The following DLG2 variants were observed in gnomAD, a reference collection of about 807,000 sequenced individuals.
DLG2 encodes discs large MAGUK scaffold protein 2.
In DLG2, 45 loss-of-function variants were observed where a neutral mutation model predicts 132.5. The ratio of observed to expected loss-of-function variants is 0.34; its 90% CI spans 0.27 to 0.44. The LOEUF (loss-of-function observed/expected upper bound fraction) is 0.44, where lower values mean the gene tolerates loss of function less well. DLG2 is among the 20% of genes least tolerant of loss of function. The pLI is 1.00. For missense variants in DLG2, 1,045 were observed against 1,196.9 expected, an observed-to-expected ratio of 0.87 and a Z score of 1.87; for synonymous variants, 424 against 419.6, an observed-to-expected ratio of 1.01 and a Z score of -0.13.
intron 6 of DLG2, among the ~76,000 whole-genome samples, chr11:85,020,265 C>T (rs949572277): frequency 1.3e-5 from 2 of 152,142 alleles, no homozygotes; most frequent in African/African-American, 4.8e-5. Context: ...TAAATGTCTT[C>T]TTTTGAGAAG....
intron 6 of DLG2, among the ~76,000 whole-genome samples, chr11:84,614,679 T>C (rs1293177524): frequency 6.6e-6 from 1 of 152,166 alleles, no homozygotes; most frequent in African/African-American, 2.4e-5. Flanking sequence ...TGTTGATCTT[T>C]AAAATATTTC....
chr11:84,299,344 G>A (rs560707041), intron 7 of DLG2, among the ~76,000 whole-genome samples: 10 of 152,304 alleles, frequency 6.6e-5, no homozygotes, highest in African/African-American at 2.4e-4. Context: ...GATCTAGGAG[G>A]CTACAGGTTA....
chr11:84,121,926 G>C (rs1031653058), intron 9 of DLG2, among the ~76,000 whole-genome samples: 1 of 151,992 alleles, frequency 6.6e-6, no homozygotes, highest in Non-Finnish European at 1.5e-5. Context: ...ATAATGCTGA[G>C]AGATAGAGAT....
intron 5 of DLG2, among the ~76,000 whole-genome samples, chr11:85,112,339 T>G (rs2072906867): frequency 6.6e-6 from 1 of 152,042 alleles, no homozygotes; most frequent in African/African-American, 2.4e-5. Flanking sequence ...CAAAAGAAAT[T>G]TATCTCTAGT....
intron 6 of DLG2, among the ~76,000 whole-genome samples, chr11:85,107,318 G>A (rs1566862571): frequency 6.6e-6 from 1 of 151,982 alleles, no homozygotes; most frequent in Non-Finnish European, 1.5e-5. Flanking sequence ...TACTTTGCAT[G>A]TCTAATTGAT....
At position 84,716,449 on chromosome 11, in the gene DLG2, G is replaced by A. The variant is rs186871495; in HGVS notation, c.358-181718C>T. 1.2e-4 allele frequency among the ~76,000 whole-genome samples: 18 copies of A among 152,056 alleles called. No homozygotes were observed. The East Asian group carries it at 1.7e-3, about 15-fold the overall frequency. ...GGGAGACACACACACATGGACTGTG[G>A]ACCTTTGCAATGCAGCTATAGACAA... On this transcript the variant is annotated intron_variant, in intron 6 of 27. Transcript: ENST00000376104.
chr11:85,429,458 C>T (rs938503859), intron 3 of DLG2, among the ~76,000 whole-genome samples: 1 of 152,166 alleles, frequency 6.6e-6, no homozygotes, highest in African/African-American at 2.4e-5. Context: ...GCTATCTACT[C>T]ATCTAACAAA....
intron 19 of DLG2, among the ~76,000 whole-genome samples, chr11:83,588,273 G>C (rs978643807): frequency 2.0e-5 from 3 of 150,500 alleles, no homozygotes; most frequent in Non-Finnish European, 4.4e-5. Flanking sequence ...CTCCCAGCAC[G>C]CAGCTGGAGA....
chr11:85,399,086 A>G (rs558589169), intron 3 of DLG2, among the ~76,000 whole-genome samples: 2 of 152,320 alleles, frequency 1.3e-5, no homozygotes, highest in Non-Finnish European at 2.9e-5. Flanking sequence ...GCAAAGTCTC[A>G]GGATACAAAA....
chr11:84,307,467 C>T (rs954387745), intron 7 of DLG2, among the ~76,000 whole-genome samples: 1 of 152,054 alleles, frequency 6.6e-6, no homozygotes, highest in Non-Finnish European at 1.5e-5. Context: ...CAGGCCAAGG[C>T]GGGTGGATCA....
intron 18 of DLG2, among the ~76,000 whole-genome samples, chr11:83,633,781 C>A (rs996468250): frequency 1.5e-4 from 22 of 146,082 alleles, no homozygotes; most frequent in Admixed American, 4.1e-4. Context: ...CACACACACA[C>A]AACTGCGGAA....
intron 6 of DLG2, among the ~76,000 whole-genome samples, chr11:84,840,886 G>A (rs2080560408): frequency 6.6e-6 from 1 of 151,494 alleles, no homozygotes; most frequent in African/African-American, 2.4e-5. Context: ...AATACCTAGT[G>A]TAAATGACGA....
At chr11:85,476,412 G>A (rs1387691591) in intron 3 of DLG2, among the ~76,000 whole-genome samples, 2 of 151,850 alleles carry the variant, frequency 1.3e-5, no homozygotes, top group African/African-American at 2.4e-5. Context: ...GTACACTTAC[G>A]CTACATTAAA....
At chr11:84,203,139 T>G (rs1295210347) in intron 8 of DLG2, among the ~76,000 whole-genome samples, 1 of 142,512 alleles carries the variant, frequency 7.0e-6, no homozygotes, top group Non-Finnish European at 1.6e-5. Context: ...ATATAAAAAA[T>G]TCTATGATAA....
intron 11 of DLG2, among the ~76,000 whole-genome samples, chr11:84,047,135 A>G (rs533646091): frequency 7.9e-5 from 12 of 151,628 alleles, no homozygotes; most frequent in Non-Finnish European, 1.5e-4. Context: ...ATTTCAGTTT[A>G]GGTAAATGCC....
chr11:83,790,842 G>A (rs2041340980), intron 17 of DLG2: 7 of 750,234 alleles, frequency 9.3e-6, no homozygotes, highest in Non-Finnish European at 1.7e-5. Flanking sequence ...TTCCATGGTA[G>A]AAGAACTGTC....
intron 6 of DLG2, among the ~76,000 whole-genome samples, chr11:84,625,652 T>G (rs1053965219): frequency 6.6e-6 from 1 of 152,214 alleles, no homozygotes; most frequent in African/African-American, 2.4e-5. Flanking sequence ...TTGGCCTGCA[T>G]TACCCTTATT....
At chr11:84,879,905 G>T (rs570504121) in intron 6 of DLG2, among the ~76,000 whole-genome samples, 1 of 151,984 alleles carries the variant, frequency 6.6e-6, no homozygotes, top group African/African-American at 2.4e-5. Flanking sequence ...AGACAAAAAC[G>T]CAGCCTAGCA....
intron 7 of DLG2, among the ~76,000 whole-genome samples, chr11:84,480,753 TTTC>T (rs1284676276): frequency 4.0e-5 from 6 of 149,932 alleles, no homozygotes; most frequent in Admixed American, 2.6e-4. Context: ...TCTTGGGGGT[TTTC>T]TTTTTTTTTT....
Sources: allele counts gnomAD v4.1 joint callset (sites outside exome capture counted in the v4.1 genomes callset), GRCh38; gene constraint gnomAD v4.1.1; transcripts MANE v1.5; gene names NCBI Gene and HGNC (gene_info 2026-07-23, HGNC 2026-07-21).